EPRS1: variants seen among roughly 807,000 people sequenced by gnomAD.
EPRS1 encodes bifunctional glutamate/proline--tRNA ligase.
Under a neutral mutation model 188.3 loss-of-function variants are expected in EPRS1, and 107 were observed. The observed-to-expected ratio is 0.57, with a 90% CI of 0.49 to 0.67. EPRS1 has a LOEUF of 0.67. EPRS1 is among the 30% of genes least tolerant of loss of function. EPRS1 has a pLI of 0.00. For synonymous variants in EPRS1, 596 were observed against 593.1 expected (o/e 1.00, Z -0.07); for missense variants, 1,577 against 1,802.2 (o/e 0.88, Z 2.26).
chr1:220,024,469 A>C lies in EPRS1; in HGVS notation c.751-13T>G. 1 of 1,570,730 alleles carries C rather than the reference A, an allele frequency of 6.4e-7. No homozygotes were observed. The highest frequency in any genetic ancestry group is 8.6e-7 in the Non-Finnish European group (1 of 1,158,602). ...CTTCCAAGATAACCTGTAGTAAGAA[A>C]CCAAAATAACCATCAGTATATCTTT... On this transcript the variant is annotated splice_polypyrimidine_tract_variant and intron_variant, in intron 7 of 31. Coordinates refer to ENST00000366923, the MANE Select transcript of EPRS1 (RefSeq NM_004446.3).
chr1:220,046,394 C>A lies in EPRS1; in HGVS notation c.-6G>T, dbSNP rs750187787. On this transcript the variant is annotated 5_prime_UTR_variant, in exon 1 of 32. Transcript: ENST00000366923. ...GTCAGAGAGAGCGTCGCCATCTCCA[C>A]CAGTCCGCTGGTCCACCTGTCAGTA... is the stretch of plus-strand genomic sequence containing the variant. 1.9e-6 allele frequency: 3 copies of A among 1,613,894 alleles called. No individual in the cohort carries two copies. The Admixed American group carries it at 5.0e-5, about 27-fold the overall frequency.
chr1:220,004,501 T>C (rs1001870575), intron 16 of EPRS1, among the ~76,000 whole-genome samples: 5 of 152,054 alleles, frequency 3.3e-5, no homozygotes, highest in Non-Finnish European at 5.9e-5. Context: ...TAGCCTGAAA[T>C]AAGGCAGAGC....
intron 19 of EPRS1, 76 bp downstream of exon 19, chr1:219,988,514 G>T: frequency 1.1e-6 from 1 of 935,640 alleles, no homozygotes; most frequent in Non-Finnish European, 1.7e-6. Flanking sequence ...ATTTGATGGG[G>T]CACAAAACAC....
chr1:219,972,734 G>A (rs958841201), intron 29 of EPRS1, among the ~76,000 whole-genome samples: 2 of 152,304 alleles, frequency 1.3e-5, no homozygotes, highest in African/African-American at 4.8e-5. Context: ...CTCCATAGGT[G>A]AGGGCGGCCC....
chr1:220,019,446 A>G (rs1234112658), intron 10 of EPRS1, among the ~76,000 whole-genome samples: 1 of 152,236 alleles, frequency 6.6e-6, no homozygotes, highest in Non-Finnish European at 1.5e-5. Context: ...AAAAGATGGT[A>G]TCCTGTCATT....
intron 10 of EPRS1, 146 bp downstream of exon 10, chr1:220,019,842 G>A: frequency 1.6e-6 from 1 of 610,788 alleles, no homozygotes; most frequent in South Asian, 2.1e-5. Flanking sequence ...TAATGCACTG[G>A]CTGAGAAGAA....
At chr1:220,011,732 C>T (rs1661607630) in intron 12 of EPRS1, among the ~76,000 whole-genome samples, 1 of 152,184 alleles carries the variant, frequency 6.6e-6, no homozygotes, top group Admixed American at 6.5e-5. Flanking sequence ...ACATTATGCT[C>T]TAACCTATTC....
Position 220,020,125 on chromosome 1 carries a change from C to T in EPRS1, c.1212G>A (p.Glu404=). ...AAGCTTCAATAATCCAGTAAAACTG[C>T]TCATCTCTGTCATGGTATTCTGTTG... ...LRTTEYHDRD[E]QFYWIIEALG... is the part of the protein sequence containing the mutation. The change falls in exon 10 of 32, where the codon GAG becomes GAA. Residue 404 remains glutamate (E), a synonymous_variant. Transcript: ENST00000366923. 6.2e-7 allele frequency: 1 copy of T among 1,614,002 alleles called. No individual in the cohort carries two copies. The highest frequency in any genetic ancestry group is 8.5e-7 in the Non-Finnish European group (1 of 1,179,914).
At chr1:219,987,049 G>T in intron 20 of EPRS1, 93 bp downstream of exon 20, 2 of 1,321,850 alleles carry the variant, frequency 1.5e-6, no homozygotes, top group Non-Finnish European at 2.1e-6. Context: ...AACTTAATGT[G>T]ATGGTTAAAC....
intron 20 of EPRS1, 88 bp downstream of exon 20, chr1:219,987,054 T>C (rs1257555023): frequency 7.1e-7 from 1 of 1,401,052 alleles, no homozygotes; most frequent in African/African-American, 1.4e-5. Context: ...AATGTGATGG[T>C]TAAACCAGTC....
chr1:220,031,143 G>A (rs1435910422), intron 5 of EPRS1, among the ~76,000 whole-genome samples: 2 of 151,184 alleles, frequency 1.3e-5, no homozygotes, highest in Admixed American at 1.3e-4. Context: ...ATAAATAACA[G>A]AGTAGGTAAG....
intron 1 of EPRS1, among the ~76,000 whole-genome samples, chr1:220,040,706 C>CG (rs1376203902): frequency 1.3e-5 from 2 of 151,830 alleles, no homozygotes; most frequent in Non-Finnish European, 2.9e-5. Flanking sequence ...CAAAATTAGC[C>CG]GGTCATGGTG....
chr1:220,005,214 A>T, intron 16 of EPRS1, 34 bp downstream of exon 16: 1 of 960,660 alleles, frequency 1.0e-6, no homozygotes, highest in Non-Finnish European at 1.6e-6. Context: ...AACTTTAAGC[A>T]TTTTCATTTA....
At chr1:220,019,554 C>T (rs931064221) in intron 10 of EPRS1, among the ~76,000 whole-genome samples, 7 of 152,186 alleles carry the variant, frequency 4.6e-5, no homozygotes, top group Admixed American at 2.6e-4. Context: ...AGTAAGTATG[C>T]AGTAATACCC....
At chr1:220,020,853 T>C (rs1257539076) in intron 9 of EPRS1, among the ~76,000 whole-genome samples, 7 of 74,572 alleles carry the variant, frequency 9.4e-5, no homozygotes, top group Non-Finnish European at 1.7e-4. Flanking sequence ...TATATATATA[T>C]ATATATATAT....
At chr1:219,985,909 C>T (rs766655248) in intron 20 of EPRS1, among the ~76,000 whole-genome samples, 2 of 152,154 alleles carry the variant, frequency 1.3e-5, no homozygotes, top group Non-Finnish European at 2.9e-5. Context: ...TTGCATTCTC[C>T]ATTGTTTCAC....
chr1:219,983,574 A>G (rs1660940933), intron 21 of EPRS1, among the ~76,000 whole-genome samples, 176 bp from the exon 22 acceptor site: 1 of 152,158 alleles, frequency 6.6e-6, no homozygotes, highest in Admixed American at 6.5e-5. Flanking sequence ...AAAACAACAT[A>G]TAACAGGGTT....
At chr1:220,039,605 G>A (rs1368578076) in intron 2 of EPRS1, among the ~76,000 whole-genome samples, 6 of 149,700 alleles carry the variant, frequency 4.0e-5, no homozygotes, top group African/African-American at 7.4e-5. Flanking sequence ...TGCAACCTCC[G>A]CCTCCCAGGT....
At chr1:220,032,628 G>A in intron 4 of EPRS1, 102 bp from the exon 5 acceptor site, 1 of 1,145,146 alleles carries the variant, frequency 8.7e-7, no homozygotes, top group Non-Finnish European at 1.3e-6. Context: ...TTAAAGTTGT[G>A]CTTCTAAAGA....
Sources: gnomAD v4.1 joint callset for allele counts (sites outside exome capture counted in the v4.1 genomes callset) on GRCh38, gnomAD v4.1.1 for gene constraint, MANE v1.5 for transcripts, NCBI Gene and HGNC (gene_info 2026-07-23, HGNC 2026-07-21) for gene names.